PIK3CA: variants seen among roughly 807,000 people sequenced by gnomAD.
PIK3CA encodes the protein phosphatidylinositol-4,5-bisphosphate 3-kinase catalytic subunit alpha.
Under a neutral mutation model 138.2 loss-of-function variants are expected in PIK3CA, and 27 were observed. The ratio of observed to expected loss-of-function variants is 0.20; its 90% CI spans 0.14 to 0.27. The LOEUF (loss-of-function observed/expected upper bound fraction) is 0.27, where lower values mean the gene tolerates loss of function less well. PIK3CA is among the 10% of genes least tolerant of loss of function. The probability of loss-of-function intolerance (pLI) is 1.00; values close to 1 mark genes in which losing one functional copy is unlikely to be tolerated. For missense variants in PIK3CA, 544 were observed against 1,277.4 expected (o/e 0.43, Z 8.75); for synonymous variants, 358 against 413.2 (o/e 0.87, Z 1.62).
chr3:179,228,692 C>G (rs747874029), intron 17 of PIK3CA, among the ~76,000 whole-genome samples: 2 of 151,888 alleles, frequency 1.3e-5, no homozygotes, highest in African/African-American at 4.8e-5. Context: ...GAATTTCACT[C>G]TTCTCACTAA....
At chr3:179,208,099 A>G (rs1724616059) in intron 6 of PIK3CA, among the ~76,000 whole-genome samples, 1 of 152,054 alleles carries the variant, frequency 6.6e-6, no homozygotes, top group Admixed American at 6.6e-5. Context: ...TTTTTCTTTT[A>G]CCTTTAGAAT....
Position 179,209,616 on chromosome 3 carries a change from T to C in PIK3CA, c.1167T>C (p.Tyr389=), listed in dbSNP as rs758754436. The C allele has an allele frequency of 2.5e-6, 4 of 1,607,064 alleles. No homozygotes were observed. The highest frequency in any genetic ancestry group is 1.7e-5 in the Admixed American group (1 of 59,422). Residue 389 remains tyrosine, a synonymous_variant, in exon 7 of 21, where the codon TAT becomes TAC. Transcript: ENST00000263967. ...SNPRWNEWLN[Y]DIYIPDLPRA... ...ATAGGTGGAATGAATGGCTGAATTA[T>C]GATATATACATTCCTGATCTTCCTC...
chr3:179,166,066 TTTTA>T (rs772853228), intron 1 of PIK3CA, among the ~76,000 whole-genome samples: 2 of 152,014 alleles, frequency 1.3e-5, no homozygotes, highest in Admixed American at 1.3e-4. Flanking sequence ...ATTTTAGATC[TTTTA>T]TTTAATCTTA....
At chr3:179,201,856 G>A (rs551444981) in intron 4 of PIK3CA, among the ~76,000 whole-genome samples, 4 of 152,064 alleles carry the variant, frequency 2.6e-5, no homozygotes, top group Admixed American at 6.5e-5. Context: ...TCCACTCTCC[G>A]TGGCTTCCCA....
rs192142070 is a variant in PIK3CA at position 179,195,240 on chromosome 3, T to G, written c.-76-3510T>G. ...AATCTAACTTCTTTATGAAGCTCCT[T>G]ATTTACTTGCCTTCTCGGTGAAAAA... On this transcript the variant is annotated intron_variant, in intron 1 of 20. Transcript: ENST00000263967. 2.0e-5 allele frequency among the ~76,000 whole-genome samples: 3 copies of G among 150,538 alleles called. No individual in the cohort carries two copies. The Admixed American group carries it at 2.0e-4, about 10-fold the overall frequency.
intron 5 of PIK3CA, 22 bp downstream of exon 5, chr3:179,203,811 T>C (rs1237766879): frequency 1.3e-6 from 2 of 1,530,274 alleles, no homozygotes; most frequent in Admixed American, 3.7e-5. Flanking sequence ...TGCTGATGCT[T>C]ATTATTTTAT....
chr3:179,167,164 G>C lies in PIK3CA; in HGVS notation c.-77+18561G>C, dbSNP rs538435690. 2.0e-5 allele frequency among the ~76,000 whole-genome samples: 3 copies of C among 152,156 alleles called. No homozygotes were observed. The South Asian group carries it at 6.2e-4, about 32-fold the overall frequency. ...CAATTATCTACAATAACCCTCCCCA[G>C]TATTAAGCTGAAATATACACATACC... On this transcript the variant is annotated intron_variant, in intron 1 of 20. Coordinates refer to ENST00000263967, the MANE Select transcript of PIK3CA (RefSeq NM_006218.4).
intron 1 of PIK3CA, among the ~76,000 whole-genome samples, chr3:179,190,608 T>C (rs1023966810): frequency 6.6e-6 from 1 of 152,174 alleles, no homozygotes; most frequent in Non-Finnish European, 1.5e-5. Flanking sequence ...AAAGATTCAT[T>C]TGGTAATTTA....
rs1725347829 is a variant in PIK3CA at position 179,237,136 on chromosome 3, C to T, written c.*2772C>T. The T allele has an allele frequency of 5.1e-6, 1 of 196,274 alleles. No homozygotes were observed. The highest frequency in any genetic ancestry group is 2.3e-5 in the African/African-American group (1 of 43,282). 12.2% of individuals were successfully genotyped at this position (196,274 alleles called of 1,614,324 possible). ...ACTTTCTACCATATTCTCAGCTATA[C>T]AAAACCATTTATTTTGAAGATTTTT... On this transcript the variant is annotated 3_prime_UTR_variant, in exon 21 of 21. Transcript: ENST00000263967.
intron 1 of PIK3CA, among the ~76,000 whole-genome samples, chr3:179,190,724 A>G (rs2108378631): frequency 6.6e-6 from 1 of 152,278 alleles, no homozygotes; most frequent in South Asian, 2.1e-4. Flanking sequence ...TGAGTCCAAG[A>G]AATAAACTTG....
intron 1 of PIK3CA, among the ~76,000 whole-genome samples, chr3:179,157,348 A>G (rs2699906): frequency 6.6e-6 from 1 of 152,014 alleles, no homozygotes; most frequent in African/African-American, 2.4e-5. Context: ...GTTGAACATG[A>G]CTTTTTCAAA....
chr3:179,179,200 G>C (rs1723779179), intron 1 of PIK3CA, among the ~76,000 whole-genome samples: 2 of 152,220 alleles, frequency 1.3e-5, no homozygotes, highest in South Asian at 4.1e-4. Context: ...AACAAAAATT[G>C]ATGTAGGAAT....
chr3:179,171,723 G>A (rs1471300454), intron 1 of PIK3CA, among the ~76,000 whole-genome samples: 3 of 152,064 alleles, frequency 2.0e-5, no homozygotes, highest in Admixed American at 6.5e-5. Flanking sequence ...CCTATATAGA[G>A]TAAATAAATT....
chr3:179,168,863 A>G (rs1259968366), intron 1 of PIK3CA, among the ~76,000 whole-genome samples: 1 of 151,980 alleles, frequency 6.6e-6, no homozygotes, highest in Non-Finnish European at 1.5e-5. Context: ...ATTTGAAATG[A>G]TACCTTTATC....
intron 17 of PIK3CA, among the ~76,000 whole-genome samples, chr3:179,227,903 C>G (rs905530966): frequency 1.3e-5 from 2 of 151,892 alleles, no homozygotes; most frequent in African/African-American, 4.8e-5. Context: ...GTGCCACATC[C>G]CAAGTATTAT....
intron 1 of PIK3CA, among the ~76,000 whole-genome samples, chr3:179,185,885 C>G (rs530873027): frequency 6.6e-6 from 1 of 152,164 alleles, no homozygotes; most frequent in African/African-American, 2.4e-5. Context: ...AGAAGGTCCT[C>G]GAACTCAGTC....
chr3:179,178,022 T>C (rs1723742659), intron 1 of PIK3CA, among the ~76,000 whole-genome samples: 1 of 150,924 alleles, frequency 6.6e-6, no homozygotes, highest in African/African-American at 2.4e-5. Flanking sequence ...GGAGGATCAT[T>C]TAAAGCTAGG....
chr3:179,209,923 T>C (rs543290889), intron 7 of PIK3CA, among the ~76,000 whole-genome samples: 40 of 152,324 alleles, frequency 2.6e-4, no homozygotes, highest in African/African-American at 9.4e-4. Context: ...TTTTTAAAAA[T>C]GCAAAGTGAC....
chr3:179,199,566 C>A, intron 2 of PIK3CA, 124 bp from the exon 3 acceptor site: 1 of 632,840 alleles, frequency 1.6e-6, no homozygotes, highest in South Asian at 2.8e-5. Flanking sequence ...TTGTTTTAAC[C>A]TAGCGGTACT....
Sources: allele counts gnomAD v4.1 joint callset (sites outside exome capture counted in the v4.1 genomes callset), GRCh38; gene constraint gnomAD v4.1.1; transcripts MANE v1.5; gene names NCBI Gene and HGNC (gene_info 2026-07-23, HGNC 2026-07-21).